The following NOTO variants were observed in gnomAD, a reference collection of about 807,000 sequenced individuals.
NOTO encodes the protein notochord homeobox.
A neutral mutation model predicts 20.5 loss-of-function variants in NOTO; 19 were observed. The observed-to-expected ratio is 0.93, with a 90% confidence interval of 0.65 to 1.36. The LOEUF (loss-of-function observed/expected upper bound fraction) is 1.36. Ranked by LOEUF, NOTO falls within the 40% of genes most tolerant of loss-of-function variation. The pLI is 0.00. For missense variants in NOTO, 369 were observed against 336.2 expected (o/e 1.10, Z -0.76); for synonymous variants, 150 against 150.2 (o/e 1.00, Z 0.01).
intron 1 of NOTO, among the ~76,000 whole-genome samples, chr2:73,203,828 C>T (rs10199629): frequency 0.03 from 2,753 of 93,114 alleles, 86 homozygotes; most frequent in African/African-American, 0.075. Context: ...TGGCCGGGCG[C>T]GGTGGCTCAC....
At chr2:73,207,744 G>A (rs1322325842) in intron 1 of NOTO, among the ~76,000 whole-genome samples, 3 of 151,928 alleles carry the variant, frequency 2.0e-5, no homozygotes, top group African/African-American at 2.4e-5. Flanking sequence ...TAGTAGAGAC[G>A]GGGTTTCACC....
intron 1 of NOTO, among the ~76,000 whole-genome samples, chr2:73,204,560 T>C (rs1686060388): frequency 6.6e-6 from 1 of 152,210 alleles, no homozygotes; most frequent in Non-Finnish European, 1.5e-5. Context: ...CAGCCCCATC[T>C]AAATTCAATA....
In NOTO at chr2:73,211,159, C is replaced by T. The variant is rs565688080; in HGVS notation, c.*230C>T. The T allele has an allele frequency of 3.1e-5, 15 of 483,750 alleles. No homozygotes were observed. Among genetic ancestry groups the T allele is most frequent in the South Asian group, 2.6e-4 (8 of 30,212 alleles). 30.0% of individuals were successfully genotyped at this position (483,750 alleles called of 1,614,324 possible). On this transcript the variant is annotated 3_prime_UTR_variant, in exon 3 of 3. Transcript: ENST00000398468. ...GTCCTTGGCCAACCTATGGAACTTC[C>T]GAGCCTTTTTTCTTTATCTGTATAA...
At position 73,210,806 on chromosome 2, in the gene NOTO, TCAGAAGCAGCAAAAGCTGA is replaced by T; in HGVS notation, c.634_652del (p.Gln212GlyfsTer90). 1 of 1,551,560 alleles carries T rather than the reference TCAGAAGCAGCAAAAGCTGA, an allele frequency of 6.4e-7. No homozygotes were observed. On this transcript the variant is annotated frameshift_variant, in exon 3 of 3. Coordinates refer to ENST00000398468, the MANE Select transcript of NOTO (RefSeq NM_001134462.2). LOFTEE classifies it low-confidence loss of function (END_TRUNC). ...GGTTCCAGAACCGCAGGGTCAAGTA[TCAGAAGCAGCAAAAGCTGA>T]GGGCAGCAGTTACATCTGCCGAGGC... is the stretch of plus-strand genomic sequence containing the variant.
rs141924165 is a variant in NOTO, at chr2:73,209,836, A to G, written c.598-935A>G. ...TTCCTGACTTTTTTCTTGCCCAAAT[A>G]TGTTCCTTTCCCATATATGACCCCA... On this transcript the variant is annotated intron_variant, in intron 2 of 2. Coordinates refer to ENST00000398468, the MANE Select transcript of NOTO (RefSeq NM_001134462.2). Among the ~76,000 whole-genome samples the G allele has an allele frequency of 1.3e-3, 191 of 151,998 alleles. 1 individual carries two copies. Among genetic ancestry groups the G allele is most frequent in the African/African-American group, 4.3e-3 (180 of 41,452 alleles).
chr2:73,203,091 G>T (rs1275839555), intron 1 of NOTO, 43 bp downstream of exon 1: 2 of 1,365,684 alleles, frequency 1.5e-6, no homozygotes, highest in Non-Finnish European at 1.9e-6. Context: ...CTGGGCGGGG[G>T]CTGGAGAGCC....
rs11369165 is a variant in NOTO, at chr2:73,211,314, G to GAA, written c.*394_*395dup. The GAA allele has an allele frequency of 9.2e-4, 143 of 155,938 alleles. No homozygotes were observed. The highest frequency in any genetic ancestry group is 1.6e-3 in the Non-Finnish European group (112 of 71,368). 9.7% of individuals were successfully genotyped at this position (155,938 alleles called of 1,614,324 possible). A position where few individuals can be genotyped will look rare whatever the true frequency, so the allele number is the denominator to read the frequency against. On this transcript the variant is annotated 3_prime_UTR_variant, in exon 3 of 3. Transcript: ENST00000398468. ...GCCCCTGAGTAGAGAAGACCAACTGGAAAAAAAAAAGTTTTTTTCTTCTGC... is the reference window on the plus strand; with the variant it reads ...GCCCCTGAGTAGAGAAGACCAACTGGAAAAAAAAAAAAGTTTTTTTCTTCTGC...
At position 73,202,922 on chromosome 2, in the gene NOTO, G is replaced by T. The variant is rs1389577288; in HGVS notation, c.256G>T (p.Ala86Ser). Reference protein sequence around the residue: ...PAFWTAASLCATGGLPWACPT... With the variant: ...PAFWTAASLCSTGGLPWACPT... Reference sequence around the variant, plus strand: ...CTTCTGGACCGCTGCTTCCCTGTGCGCCACCGGGGGTCTGCCCTGGGCTTG... The same window carrying T: ...CTTCTGGACCGCTGCTTCCCTGTGCTCCACCGGGGGTCTGCCCTGGGCTTG... Residue 86 changes from alanine (A) to serine (S), a missense_variant, in exon 1 of 3, where the codon GCC becomes TCC. Coordinates refer to ENST00000398468, the MANE Select transcript of NOTO (RefSeq NM_001134462.2). The T allele has an allele frequency of 3.9e-6, 6 of 1,524,886 alleles. No individual in the cohort carries two copies. The highest frequency in any genetic ancestry group is 4.4e-6 in the Non-Finnish European group (5 of 1,140,434). The allele number at this position is 1,524,886 out of a possible 1,614,324, so 94.5% of individuals were successfully genotyped here. A position where few individuals can be genotyped will look rare whatever the true frequency, so the allele number is the denominator to read the frequency against.
chr2:73,203,209 C>T (rs969084680), intron 1 of NOTO, among the ~76,000 whole-genome samples, 161 bp downstream of exon 1: 4 of 152,206 alleles, frequency 2.6e-5, no homozygotes, highest in Admixed American at 2.6e-4. Flanking sequence ...GCAGTTGAAG[C>T]CGAGGACCGC....
rs780197622 is a variant in NOTO at position 73,202,820 on chromosome 2, G to T, written c.154G>T (p.Glu52Ter). The T allele has an allele frequency of 3.3e-6, 5 of 1,525,434 alleles. No individual in the cohort carries two copies. The highest frequency in any genetic ancestry group is 4.4e-6 in the Non-Finnish European group (5 of 1,142,052). The allele number at this position is 1,525,434 out of a possible 1,614,324, so 94.5% of individuals were successfully genotyped here. A position where few individuals can be genotyped will look rare whatever the true frequency, so the allele number is the denominator to read the frequency against. Residue 52 changes from glutamate to a stop codon, truncating the protein, a stop_gained, in exon 1 of 3, where the codon GAG becomes TAG. Transcript: ENST00000398468. LOFTEE classifies it high-confidence loss of function. The stretch of plus-strand genomic sequence containing the variant: ...ACGCTTCGAGTCCCCTTTCTCGGTC[G>T]AGGCCATCCTGGCGAGGCCCGACCC... ...PGRFESPFSV[E>*]AILARPDPCA...
At chr2:73,205,554 G>A (rs1686077969) in intron 1 of NOTO, among the ~76,000 whole-genome samples, 1 of 152,122 alleles carries the variant, frequency 6.6e-6, no homozygotes, top group East Asian at 1.9e-4. Flanking sequence ...ATGTTTTTCT[G>A]TGTATTGGCC....
At chr2:73,207,317 T>C (rs994120282) in intron 1 of NOTO, among the ~76,000 whole-genome samples, 1 of 152,138 alleles carries the variant, frequency 6.6e-6, no homozygotes, top group Admixed American at 6.5e-5. Flanking sequence ...GTTGGGGCAG[T>C]CTGTCTGCCA....
Position 73,202,858 on chromosome 2 carries a change from G to A in NOTO, c.192G>A (p.Ala64=). Residue 64 remains alanine, a synonymous_variant, in exon 1 of 3, where the codon GCG becomes GCA. Transcript: ENST00000398468. ...CGAGGCCCGACCCCTGCGCGCCGGC[G>A]GCCTCCCAGCCGTCGGGCTCCGCCT... The part of the protein sequence containing the change: ...ILARPDPCAP[A]ASQPSGSACV... 6.6e-7 allele frequency: 1 copy of A among 1,526,458 alleles called. No homozygotes were observed. The highest frequency in any genetic ancestry group is 8.8e-7 in the Non-Finnish European group (1 of 1,142,212). 94.6% of individuals were successfully genotyped at this position (1,526,458 alleles called of 1,614,324 possible).
At chr2:73,207,845 G>A (rs1216200562) in intron 1 of NOTO, among the ~76,000 whole-genome samples, 1 of 152,116 alleles carries the variant, frequency 6.6e-6, no homozygotes, top group Non-Finnish European at 1.5e-5. Flanking sequence ...ATGAGCCAAC[G>A]TGCTCAGTGA....
In NOTO at chr2:73,208,535, A is replaced by C; in HGVS notation, c.518A>C (p.Lys173Thr). Residue 173 changes from lysine (K) to threonine (T), a missense_variant, in exon 2 of 3, where the codon AAA (lysine) becomes ACA (threonine). By Grantham distance (78) the Lys-to-Thr change is moderately conservative. Coordinates refer to ENST00000398468, the MANE Select transcript of NOTO (RefSeq NM_001134462.2). ...FNLEQLEELE[K>T]VFAKQHNLVG... ...TTGGAGCAGCTGGAAGAGTTGGAGA[A>C]AGTGTTTGCAAAACAGCACAATCTG... 6.4e-7 allele frequency: 1 copy of C among 1,551,666 alleles called. No individual in the cohort carries two copies. The highest frequency in any genetic ancestry group is 8.7e-7 in the Non-Finnish European group (1 of 1,146,956).
rs377208204 is a variant in NOTO at position 73,208,458 on chromosome 2, G to C, written c.441G>C (p.Glu147Asp). 2 of 1,551,688 alleles carry C rather than the reference G, an allele frequency of 1.3e-6. No individual in the cohort carries two copies. The highest frequency in any genetic ancestry group is 2.7e-5 in the African/African-American group (2 of 73,158). The stretch of plus-strand genomic sequence containing the variant: ...CCTTCCCAGACTGGGCCCCAACGGA[G>C]GACCTACAGGACACTGAGAGACAGC... ...LWAFPDWAPT[E>D]DLQDTERQQK... The change falls in exon 2 of 3, where the codon GAG (glutamate) becomes GAC (aspartate). Residue 147 changes from glutamate to aspartate, a missense_variant. Glu to Asp is a conservative substitution (Grantham distance 45, BLOSUM62 2). Transcript: ENST00000398468.
intron 1 of NOTO, among the ~76,000 whole-genome samples, chr2:73,204,161 C>T (rs1002288778): frequency 6.6e-6 from 1 of 151,140 alleles, no homozygotes; most frequent in Non-Finnish European, 1.5e-5. Context: ...GCTTGTAATC[C>T]CAGCTACTCA....
intron 1 of NOTO, 31 bp downstream of exon 1, chr2:73,203,079 G>T: frequency 1.5e-6 from 2 of 1,370,650 alleles, no homozygotes; most frequent in South Asian, 1.7e-5. Flanking sequence ...GCACGCGGGG[G>T]ACTGGGCGGG....
chr2:73,205,275 G>A (rs1320980779), intron 1 of NOTO, among the ~76,000 whole-genome samples: 8 of 152,172 alleles, frequency 5.3e-5, no homozygotes, highest in Admixed American at 5.2e-4. Flanking sequence ...ACTTTGGGAG[G>A]CCAAGGCGGG....
Sources: allele counts gnomAD v4.1 joint callset (sites outside exome capture counted in the v4.1 genomes callset), GRCh38; gene constraint gnomAD v4.1.1; transcripts MANE v1.5; gene names NCBI Gene and HGNC (gene_info 2026-07-23, HGNC 2026-07-21).